The following ASH1L variants were observed in gnomAD, a reference collection of about 807,000 sequenced individuals.
ASH1L encodes the protein ASH1 like histone lysine methyltransferase.
A neutral mutation model predicts 269.0 loss-of-function variants in ASH1L; 23 were observed. That is an observed-to-expected ratio of 0.09 (90% CI 0.06 to 0.12). ASH1L has a LOEUF of 0.12. Among genes scored for constraint, ASH1L ranks in the 10% least tolerant of loss-of-function variants. The pLI is 1.00. For synonymous variants in ASH1L, 1,187 were observed against 1,253.5 expected (o/e 0.95, Z 1.12); for missense variants, 2,912 against 3,567.8 (o/e 0.82, Z 4.68).
chr1:155,360,555 T>C (rs757168064), intron 12 of ASH1L, 146 bp from the exon 13 acceptor site: 3 of 563,504 alleles, frequency 5.3e-6, no homozygotes, highest in South Asian at 2.0e-5. Flanking sequence ...GCGATTCTCC[T>C]GCCTCAGCCT....
intron 4 of ASH1L, among the ~76,000 whole-genome samples, chr1:155,455,161 A>G (rs1377885699): frequency 6.6e-6 from 1 of 152,198 alleles, no homozygotes; most frequent in East Asian, 1.9e-4. Context: ...AAAGCTACAA[A>G]TATTTAAAAA....
intron 21 of ASH1L, chr1:155,346,124 G>A (rs1422929829): frequency 3.7e-6 from 5 of 1,348,024 alleles, no homozygotes; most frequent in Non-Finnish European, 3.9e-6. Context: ...ATGAGCGACC[G>A]TGCCCGGCCA....
chr1:155,537,729 T>C (rs998155344), intron 1 of ASH1L, among the ~76,000 whole-genome samples: 1 of 151,824 alleles, frequency 6.6e-6, no homozygotes, highest in Non-Finnish European at 1.5e-5. Flanking sequence ...ATTTCTTAGA[T>C]ATGACAGCAT....
In ASH1L at chr1:155,380,034, T is replaced by C; in HGVS notation, c.6177+9A>G. 1 of 1,597,568 alleles carries C rather than the reference T, an allele frequency of 6.3e-7. No individual in the cohort carries two copies. The highest frequency in any genetic ancestry group is 8.6e-7 in the Non-Finnish European group (1 of 1,167,658). ...AAGAATGAAACCTGGTAAAACAGGCTCTCTGTACCTGATTGTGTTTCCACT... is the reference window on the plus strand; with the variant it reads ...AAGAATGAAACCTGGTAAAACAGGCCCTCTGTACCTGATTGTGTTTCCACT... On this transcript the variant is annotated intron_variant, in intron 8 of 27. Transcript: ENST00000392403.
intron 7 of ASH1L, 98 bp downstream of exon 7, chr1:155,395,361 G>A: frequency 1.1e-6 from 1 of 889,098 alleles, no homozygotes; most frequent in South Asian, 1.9e-5. Flanking sequence ...GATCCCACTG[G>A]AGAAATAGAA....
chr1:155,363,246 A>T (rs1655121310), intron 12 of ASH1L, among the ~76,000 whole-genome samples: 1 of 150,496 alleles, frequency 6.6e-6, no homozygotes. Context: ...GCCTCCCAAA[A>T]TGCTGGGATT....
chr1:155,478,770 T>G lies in ASH1L; in HGVS notation c.4100A>C (p.His1367Pro). ...ACTAGAAAGAGGAAAACTAAGGCTG[T>G]GCATAAAAGGCATTTCAGCCATTGC... ...REAMAEMPFM[H>P]SLSFPLSSTG... The change falls in exon 3 of 28, where the codon CAC becomes CCC. Residue 1367 changes from histidine (H) to proline (P), a missense_variant. His to Pro is a moderately conservative substitution (Grantham distance 77, BLOSUM62 -2). Coordinates refer to ENST00000392403, the MANE Select transcript of ASH1L (RefSeq NM_018489.3). This position sits in a 1 kb window ranked among gnomAD's most constrained non-coding sequence, Gnocchi z 4.6. 6.2e-7 allele frequency: 1 copy of G among 1,614,126 alleles called. No individual in the cohort carries two copies. Among genetic ancestry groups the G allele is most frequent in the Non-Finnish European group, 8.5e-7 (1 of 1,180,008 alleles).
chr1:155,559,920 A>G (rs1671843800), intron 1 of ASH1L, among the ~76,000 whole-genome samples: 1 of 152,208 alleles, frequency 6.6e-6, no homozygotes, highest in Admixed American at 6.5e-5. Flanking sequence ...GAGTTTAGGA[A>G]CAAAAAGATA....
At chr1:155,446,140 TC>T (rs888350951) in intron 4 of ASH1L, among the ~76,000 whole-genome samples, 5 of 150,552 alleles carry the variant, frequency 3.3e-5, no homozygotes, top group Admixed American at 2.7e-4. Flanking sequence ...TGCCTCGGCC[TC>T]CCAAACTGCT....
intron 16 of ASH1L, among the ~76,000 whole-genome samples, chr1:155,353,508 A>T (rs1291738828): frequency 6.6e-6 from 1 of 152,058 alleles, no homozygotes; most frequent in Admixed American, 6.6e-5. Flanking sequence ...GGAAAGGATT[A>T]AAAAAAAGAG....
At chr1:155,368,108 T>C (rs1178137149) in intron 12 of ASH1L, among the ~76,000 whole-genome samples, 3 of 152,298 alleles carry the variant, frequency 2.0e-5, no homozygotes, top group Admixed American at 6.5e-5. Context: ...GCTCAGGCGA[T>C]CCTACCACCT....
chr1:155,423,976 C>T (rs1208581273), intron 5 of ASH1L, among the ~76,000 whole-genome samples: 5 of 152,128 alleles, frequency 3.3e-5, no homozygotes, highest in African/African-American at 4.8e-5. Context: ...CCGCCTGCCT[C>T]GGCCTCCCAA....
intron 5 of ASH1L, among the ~76,000 whole-genome samples, chr1:155,436,491 CTTTTTTTTTTTTT>C (rs60270333): frequency 1.7e-4 from 14 of 80,552 alleles, no homozygotes; most frequent in African/African-American, 2.4e-4. Flanking sequence ...CATGCGTGGA[CTTTTTTTTTTTTT>C]TTTTTTTTTT....
At chr1:155,517,800 T>C (rs1003954068) in intron 2 of ASH1L, among the ~76,000 whole-genome samples, 2 of 120,716 alleles carry the variant, frequency 1.7e-5, no homozygotes, top group Non-Finnish European at 3.6e-5. Context: ...TTTCTTTTTT[T>C]TTTTTTTTTT....
rs533062324 is a variant in ASH1L, at chr1:155,373,154, C to T, written c.6333-2171G>A. 1.5e-4 allele frequency among the ~76,000 whole-genome samples: 22 copies of T among 150,678 alleles called. No homozygotes were observed. In the East Asian group the frequency reaches 3.7e-3, roughly 25 times the overall value. ...CTTGAACTTGTCCGGCGGACGTTGC[C>T]GTGAGCTGAGATTGCACCACTGTAC... On this transcript the variant is annotated intron_variant, in intron 10 of 27. Transcript: ENST00000392403.
chr1:155,355,429 A>G (rs1396859845), intron 15 of ASH1L, among the ~76,000 whole-genome samples: 1 of 152,232 alleles, frequency 6.6e-6, no homozygotes, highest in Non-Finnish European at 1.5e-5. Flanking sequence ...CCATTATTCA[A>G]TTTCCACAAC....
chr1:155,372,307 T>C (rs976709560), intron 10 of ASH1L, among the ~76,000 whole-genome samples: 1 of 150,036 alleles, frequency 6.7e-6, no homozygotes, highest in Admixed American at 6.7e-5. Context: ...TTTTTTTTTT[T>C]AATTTATTTT....
rs35984917 is a variant in ASH1L at position 155,529,351 on chromosome 1, CTT to C, written c.-99-7735_-99-7734del. Among the ~76,000 whole-genome samples, 972 of 133,978 alleles carry C rather than the reference CTT, an allele frequency of 7.3e-3. 5 individuals carry two copies. Among genetic ancestry groups the C allele is most frequent in the African/African-American group, 0.012 (435 of 36,786 alleles). 87.9% of individuals were successfully genotyped at this position (133,978 alleles called of 152,430 possible). A position where few individuals can be genotyped will look rare whatever the true frequency, so the allele number is the denominator to read the frequency against. On this transcript the variant is annotated intron_variant, in intron 1 of 27. Transcript: ENST00000392403. The stretch of plus-strand genomic sequence containing the variant: ...TTTCTCTCTGCAACCTTGCCAGCAT[CTT>C]TTTTTTTTTTTTTTTGACTTTTTAA...
chr1:155,520,953 G>A, intron 2 of ASH1L, 147 bp downstream of exon 2: 1 of 758,344 alleles, frequency 1.3e-6, no homozygotes, highest in Non-Finnish European at 2.1e-6. Context: ...GACAAGCCTT[G>A]GGGCTTATTT....
Sources: gnomAD v4.1 joint callset for allele counts (sites outside exome capture counted in the v4.1 genomes callset) on GRCh38, gnomAD v4.1.1 for gene constraint, Gnocchi (gnomAD v3.1) non-coding constraint, MANE v1.5 for transcripts, NCBI Gene and HGNC (gene_info 2026-07-23, HGNC 2026-07-21) for gene names.